The following EXOC3 variants were observed in gnomAD, a reference collection of about 807,000 sequenced individuals.
EXOC3 encodes exocyst complex component 3.
Under a neutral mutation model 73.7 loss-of-function variants are expected in EXOC3, and 21 were observed. The observed-to-expected ratio is 0.29, with a 90% CI of 0.20 to 0.41. The LOEUF is 0.41. EXOC3 is among the 10% of genes least tolerant of loss of function. EXOC3 has a pLI of 1.00. For missense variants in EXOC3, 842 were observed against 985.1 expected, an observed-to-expected ratio of 0.85 and a Z score of 1.95; for synonymous variants, 410 against 389.1, an observed-to-expected ratio of 1.05 and a Z score of -0.63.
At position 462,073 on chromosome 5, in the gene EXOC3, G is replaced by A. The variant is rs1738002150; in HGVS notation, c.1502+3G>A. 2.5e-6 allele frequency: 4 copies of A among 1,610,448 alleles called. No individual in the cohort carries two copies. Among genetic ancestry groups the A allele is most frequent in the Admixed American group, 1.7e-5 (1 of 59,374 alleles). On this transcript the variant is annotated splice_donor_region_variant and intron_variant, in intron 8 of 12. Coordinates refer to ENST00000512944, the MANE Select transcript of EXOC3 (RefSeq NM_007277.5). ...ATCAACAACTGCCAGACCTTCAAGTGAGTGTGGCCGGGCGCTGTGGCGGGG... is the reference window on the plus strand; with the variant it reads ...ATCAACAACTGCCAGACCTTCAAGTAAGTGTGGCCGGGCGCTGTGGCGGGG...
At chr5:446,128 AC>A in intron 1 of EXOC3, 21 bp from the exon 2 acceptor site, 2 of 1,558,076 alleles carry the variant, frequency 1.3e-6, no homozygotes, top group Non-Finnish European at 1.8e-6. Flanking sequence ...TAACATTTCT[AC>A]CGTCCTAACA....
At chr5:461,912 C>T (rs1292481324) in intron 7 of EXOC3, 48 bp from the exon 8 acceptor site, 9 of 1,367,842 alleles carry the variant, frequency 6.6e-6, no homozygotes, top group Non-Finnish European at 9.2e-6. Flanking sequence ...TTTGAAACAG[C>T]TCCATGTTGC....
intron 3 of EXOC3, 96 bp from the exon 4 acceptor site, chr5:453,274 T>C (rs1360278411): frequency 7.0e-6 from 6 of 862,230 alleles, no homozygotes; most frequent in Non-Finnish European, 1.1e-5. Flanking sequence ...TAGGGAGATG[T>C]GGCTTCCTGC....
chr5:461,174 A>T (rs370613177), intron 7 of EXOC3, among the ~76,000 whole-genome samples: 2 of 48,810 alleles, frequency 4.1e-5, no homozygotes, highest in Non-Finnish European at 8.0e-5. Flanking sequence ...TAAAATAAAT[A>T]AAATAAGATA....
chr5:464,033 T>C (rs1266553360), intron 9 of EXOC3, among the ~76,000 whole-genome samples: 1 of 152,250 alleles, frequency 6.6e-6, no homozygotes, highest in Non-Finnish European at 1.5e-5. Context: ...AGAAAAGCAG[T>C]GTGACGTAGC....
At chr5:466,599 C>G in intron 12 of EXOC3, 128 bp from the exon 13 acceptor site, 1 of 803,822 alleles carries the variant, frequency 1.2e-6, no homozygotes, top group Non-Finnish European at 1.9e-6. Flanking sequence ...GGGAAAGGTG[C>G]AATTTGTCTG....
At position 466,887 on chromosome 5, in the gene EXOC3, C is replaced by T. The variant is rs1277166335; in HGVS notation, c.2227C>T (p.Leu743=). 1.2e-6 allele frequency: 2 copies of T among 1,607,414 alleles called. No homozygotes were observed. The highest frequency in any genetic ancestry group is 1.7e-6 in the Non-Finnish European group (2 of 1,177,298). The part of the protein sequence containing the change: ...IVVPSLNVAK[L]LK ...GGTGCCCAGCCTGAACGTGGCCAAG[C>T]TGCTCAAGTAGCCTCCGCCGGCCTG... Residue 743 remains leucine (L), a synonymous_variant, in exon 13 of 13, where the codon CTG becomes TTG. Coordinates refer to ENST00000512944, the MANE Select transcript of EXOC3 (RefSeq NM_007277.5).
intron 6 of EXOC3, among the ~76,000 whole-genome samples, chr5:458,507 G>A (rs536442260): frequency 3.9e-5 from 6 of 152,284 alleles, no homozygotes; most frequent in Admixed American, 2.0e-4. Flanking sequence ...GGGTCAAGGC[G>A]TCCATTAGCT....
intron 3 of EXOC3, among the ~76,000 whole-genome samples, chr5:452,599 T>G (rs1737688184): frequency 1.3e-5 from 2 of 152,248 alleles, no homozygotes; most frequent in Non-Finnish European, 2.9e-5. Context: ...TTTTTGTTGT[T>G]GAAAAATGGA....
At chr5:457,719 A>G in intron 5 of EXOC3, 181 bp from the exon 6 acceptor site, 1 of 596,882 alleles carries the variant, frequency 1.7e-6, no homozygotes, top group Admixed American at 3.0e-5. Flanking sequence ...TGCTGTGGTC[A>G]CTGCCTCCCA....
At position 466,856 on chromosome 5, in the gene EXOC3, C is replaced by T. The variant is rs754565603; in HGVS notation, c.2196C>T (p.Asp732=). The T allele has an allele frequency of 6.2e-6, 10 of 1,612,340 alleles. No individual in the cohort carries two copies. In the Admixed American group the frequency reaches 1.5e-4, roughly 24 times the overall value. ...ASPSYVPLFK[D]IVVPSLNVAK... ...CCAGCTACGTGCCCCTCTTCAAGGA[C>T]ATTGTGGTGCCCAGCCTGAACGTGG... The change falls in exon 13 of 13, where the codon GAC becomes GAT. Residue 732 remains aspartate (D), a synonymous_variant. Transcript: ENST00000512944.
Position 465,140 on chromosome 5 carries a change from G to A in EXOC3, c.1806G>A (p.Val602=), listed in dbSNP as rs1738103443. 1.3e-6 allele frequency: 2 copies of A among 1,593,820 alleles called. No individual in the cohort carries two copies. Among genetic ancestry groups the A allele is most frequent in the Non-Finnish European group, 1.7e-6 (2 of 1,171,356 alleles). The change falls in exon 11 of 13, where the codon GTG becomes GTA. Residue 602 remains valine (V), a synonymous_variant. Coordinates refer to ENST00000512944, the MANE Select transcript of EXOC3 (RefSeq NM_007277.5). ...KRMTAEAHRR[V]VVEYLRAVMQ... is the part of the protein sequence containing the mutation. Reference sequence around the variant, plus strand: ...TGACGGCCGAGGCGCACCGGCGCGTGGTGGTGGAGTACCTGCGGGCGGTCA... The same window carrying A: ...TGACGGCCGAGGCGCACCGGCGCGTAGTGGTGGAGTACCTGCGGGCGGTCA...
Position 447,596 on chromosome 5 carries a change from A to G in EXOC3, c.208A>G (p.Asn70Asp). ...CCTCAGCCAGCTCCACAACGCCCTG[A>G]ATGACGTCAAAGACATCCAGCAGTC... ...TGLSQLHNAL[N>D]DVKDIQQSLA... Residue 70 changes from asparagine (N) to aspartate (D), a missense_variant, in exon 3 of 13, where the codon AAT (asparagine) becomes GAT (aspartate). By Grantham distance (23) the Asn-to-Asp change is conservative. Coordinates refer to ENST00000512944, the MANE Select transcript of EXOC3 (RefSeq NM_007277.5). 1 of 1,590,648 alleles carries G rather than the reference A, an allele frequency of 6.3e-7. No individual in the cohort carries two copies. Among genetic ancestry groups the G allele is most frequent in the South Asian group, 1.1e-5 (1 of 87,292 alleles).
rs967102200 is a variant in EXOC3, at chr5:467,274, C to T, written c.*376C>T. The T allele has an allele frequency of 6.6e-5, 14 of 211,072 alleles. No individual in the cohort carries two copies. Among genetic ancestry groups the T allele is most frequent in the Middle Eastern group, 1.6e-3 (1 of 630 alleles). 13.1% of individuals were successfully genotyped at this position (211,072 alleles called of 1,614,324 possible). ...ACCCCGTCACCTAATTAAAGTTTCT[C>T]GGCTTCCTCAGAGAAATGAAAACGC... On this transcript the variant is annotated 3_prime_UTR_variant, in exon 13 of 13. Transcript: ENST00000512944.
rs1246914139 is a variant in EXOC3 at position 453,694 on chromosome 5, A to G, written c.689A>G (p.Lys230Arg). ...ATTGACAGGCGCATACTTGACCGGA[A>G]AAAGCAAACTGGCTTTGTTCCTCCT... ...EKIDRRILDR[K>R]KQTGFVPPGR... The change falls in exon 4 of 13, where the codon AAA becomes AGA. Residue 230 changes from lysine to arginine, a missense_variant. Coordinates refer to ENST00000512944, the MANE Select transcript of EXOC3 (RefSeq NM_007277.5). The G allele has an allele frequency of 3.7e-6, 6 of 1,613,838 alleles. No individual in the cohort carries two copies. The highest frequency in any genetic ancestry group is 5.1e-6 in the Non-Finnish European group (6 of 1,179,904).
At chr5:465,364 T>C in intron 11 of EXOC3, 92 bp downstream of exon 11, 1 of 1,384,108 alleles carries the variant, frequency 7.2e-7, no homozygotes, top group Non-Finnish European at 9.8e-7. Flanking sequence ...TAGATGGGAG[T>C]GTGTCGTGTG....
chr5:450,931 C>A (rs1373828772), intron 3 of EXOC3, among the ~76,000 whole-genome samples: 1 of 151,990 alleles, frequency 6.6e-6, no homozygotes, highest in Non-Finnish European at 1.5e-5. Flanking sequence ...TAAGGTCAGT[C>A]TCTGGTGAAC....
intron 1 of EXOC3, among the ~76,000 whole-genome samples, chr5:444,067 G>C (rs1475327434): frequency 6.6e-6 from 1 of 151,476 alleles, no homozygotes. Context: ...CTGCCCGGCA[G>C]AGGTGTCTCC....
intron 11 of EXOC3, 129 bp downstream of exon 11, chr5:465,401 C>CAGGT (rs1487057727): frequency 3.7e-6 from 4 of 1,075,860 alleles, no homozygotes; most frequent in Non-Finnish European, 5.3e-6. Context: ...AGCCTGGGTC[C>CAGGT]AGGTCCTGCC....
Sources: gnomAD v4.1 joint callset for allele counts (sites outside exome capture counted in the v4.1 genomes callset) on GRCh38, gnomAD v4.1.1 for gene constraint, MANE v1.5 for transcripts, NCBI Gene and HGNC (gene_info 2026-07-23, HGNC 2026-07-21) for gene names.